Variants in C13orf46 observed in about 807,000 individuals in gnomAD.
C13orf46 encodes chromosome 13 open reading frame 46.
At chr13:113,944,488 G>A in the C13orf46 span, among the ~76,000 whole-genome samples, 2 of 152,318 alleles carry the variant, frequency 1.3e-5, no homozygotes, top group Non-Finnish European at 2.9e-5. Context: ...TTCCCCTTGC[G>A]GCCCTGTAGG....
intron 6 of C13orf46, among the ~76,000 whole-genome samples, chr13:113,958,020 C>T (rs1236596770): frequency 2.0e-5 from 3 of 148,308 alleles, no homozygotes; most frequent in Non-Finnish European, 4.5e-5. Context: ...GGGGGATCTC[C>T]CCTACACTCT....
chr13:113,963,942 C>G (rs1259901834), intron 6 of C13orf46, among the ~76,000 whole-genome samples: 1 of 152,188 alleles, frequency 6.6e-6, no homozygotes, highest in East Asian at 1.9e-4. Context: ...CCTCCGCCTC[C>G]TGGGTTCAAG....
rs1474351285 is a variant in C13orf46 at position 113,955,229 on chromosome 13, C to T, written c.*1544G>A. The T allele has an allele frequency of 0.2, 20,013 of 99,360 alleles. 1,631 individuals carry two copies. The highest frequency in any genetic ancestry group is 0.32 in the Middle Eastern group (48 of 148). The allele number at this position is 99,360 out of a possible 1,614,324, so 6.2% of individuals were successfully genotyped here. ...GGAGACGAGGAGCATCCCGTGGAGA[C>T]GAGGAGCATCTGGCGGAGACGAGGA... On this transcript the variant is annotated 3_prime_UTR_variant, in exon 7 of 7. Coordinates refer to ENST00000636427, the MANE Select transcript of C13orf46 (RefSeq NM_001365455.2).
At chr13:113,940,525 GAGCGTTCGAGACCCT>G in the C13orf46 span, among the ~76,000 whole-genome samples, 16 of 129,784 alleles carry the variant, frequency 1.2e-4, no homozygotes, top group African/African-American at 1.6e-4. Context: ...GTGTGAGGCT[GAGCGTTCGAGACCCT>G]GGTCTCTGGG....
At chr13:113,927,371 G>C in the C13orf46 span, 1 of 394,486 alleles carries the variant, frequency 2.5e-6, no homozygotes, top group East Asian at 3.6e-5. Context: ...TGCAGCTGGG[G>C]CTGCTCTGGA....
chr13:113,969,773 C>A (rs1258448947), intron 2 of C13orf46, among the ~76,000 whole-genome samples: 1 of 152,282 alleles, frequency 6.6e-6, no homozygotes, highest in East Asian at 1.9e-4. Flanking sequence ...CAGGGCCCCA[C>A]GCCCTCTCCC....
downstream of C13orf46, among the ~76,000 whole-genome samples, chr13:113,950,489 T>G (rs1166068608): frequency 6.6e-6 from 1 of 152,206 alleles, no homozygotes. Context: ...ATCTGTAGAG[T>G]GGGGTCATCA....
In C13orf46 at chr13:113,954,194, C is replaced by T. The variant is rs1358265482; in HGVS notation, c.*2579G>A. On this transcript the variant is annotated 3_prime_UTR_variant, in exon 7 of 7. Transcript: ENST00000636427. Reference sequence around the variant, plus strand: ...CACCACAGGGACGGCCCCCATGTGTCTCCACGGGAATAGACAGTGCACACA... The same window carrying T: ...CACCACAGGGACGGCCCCCATGTGTTTCCACGGGAATAGACAGTGCACACA... 1 of 152,274 alleles carries T rather than the reference C, an allele frequency of 6.6e-6. No individual in the cohort carries two copies. The highest frequency in any genetic ancestry group is 1.5e-5 in the Non-Finnish European group (1 of 68,056). The allele number at this position is 152,274 out of a possible 1,614,324, so 9.4% of individuals were successfully genotyped here.
At chr13:113,952,955 GGC>G (rs1490975255), downstream of C13orf46, among the ~76,000 whole-genome samples, 43 of 152,320 alleles carry the variant, frequency 2.8e-4, no homozygotes, top group Middle Eastern at 3.4e-3. Flanking sequence ...CGGGCTCTGC[GGC>G]GCGTAGACCT....
the C13orf46 span, chr13:113,927,196 A>G: frequency 4.5e-6 from 1 of 223,956 alleles, no homozygotes; most frequent in South Asian, 1.8e-4. Context: ...CTTCTTCACC[A>G]ACGGGGACAG....
the C13orf46 span, among the ~76,000 whole-genome samples, chr13:113,935,539 T>TA: frequency 6.6e-6 from 1 of 152,212 alleles, no homozygotes; most frequent in African/African-American, 2.4e-5. Context: ...ATTGTCCTCT[T>TA]AAATATCTCC....
the C13orf46 span, among the ~76,000 whole-genome samples, chr13:113,943,999 T>C: frequency 3.3e-5 from 5 of 152,274 alleles, no homozygotes; most frequent in South Asian, 2.1e-4. Flanking sequence ...GGACCTTCAG[T>C]ATCCCGACAG....
At chr13:113,935,890 A>G in the C13orf46 span, among the ~76,000 whole-genome samples, 1 of 152,252 alleles carries the variant, frequency 6.6e-6, no homozygotes, top group Non-Finnish European at 1.5e-5. Context: ...TAGCAGCTTT[A>G]TGAATCGTGA....
chr13:113,945,998 C>CTG, the C13orf46 span, among the ~76,000 whole-genome samples: 48 of 151,784 alleles, frequency 3.2e-4, 1 homozygote, highest in Admixed American at 8.5e-4. Flanking sequence ...GTCCAGTTCA[C>CTG]CGCACTGTGG....
chr13:113,942,550 C>T, the C13orf46 span, among the ~76,000 whole-genome samples: 5 of 152,292 alleles, frequency 3.3e-5, no homozygotes, highest in East Asian at 9.6e-4. Context: ...GACAGCCTTA[C>T]CTCCACAGGA....
chr13:113,966,153 A>G (rs1198246202), intron 5 of C13orf46, among the ~76,000 whole-genome samples: 1 of 140,290 alleles, frequency 7.1e-6, no homozygotes, highest in Non-Finnish European at 1.5e-5. Context: ...GACAATGGTG[A>G]CGGTGATAGT....
At chr13:113,950,699 C>T (rs1377602548), downstream of C13orf46, among the ~76,000 whole-genome samples, 1 of 152,226 alleles carries the variant, frequency 6.6e-6, no homozygotes, top group Non-Finnish European at 1.5e-5. Context: ...CAGGGCTGGC[C>T]CCGCCTCTCC....
At chr13:113,972,495 C>CGGGAG (rs997715105) in intron 1 of C13orf46, among the ~76,000 whole-genome samples, 14 of 152,264 alleles carry the variant, frequency 9.2e-5, no homozygotes, top group African/African-American at 2.4e-4. Context: ...GCCGAGGCCG[C>CGGGAG]GGGAGGGGAG....
chr13:113,950,479 A>G (rs2052484602), downstream of C13orf46, among the ~76,000 whole-genome samples: 1 of 152,180 alleles, frequency 6.6e-6, no homozygotes, highest in African/African-American at 2.4e-5. Flanking sequence ...CGGTGCTCCC[A>G]TCTGTAGAGT....
Sources: allele counts gnomAD v4.1 joint callset (sites outside exome capture counted in the v4.1 genomes callset), GRCh38; gene constraint gnomAD v4.1.1; transcripts MANE v1.5; gene names NCBI Gene and HGNC (gene_info 2026-07-23, HGNC 2026-07-21).